Variants in SART3 observed in about 807,000 individuals in gnomAD.
SART3 encodes spliceosome associated factor 3, U4/U6 recycling protein.
Under a neutral mutation model 122.3 loss-of-function variants are expected in SART3, and 44 were observed. That is an observed-to-expected ratio of 0.36 (90% confidence interval 0.28 to 0.46). SART3 has a LOEUF of 0.46. Among genes scored for constraint, SART3 ranks in the 20% least tolerant of loss-of-function variants. The pLI, the probability that SART3 is intolerant of heterozygous loss-of-function variation, is 1.00. For synonymous variants in SART3, 442 were observed against 454.0 expected, an observed-to-expected ratio of 0.97 and a Z score of 0.34; for missense variants, 1,101 against 1,229.0, an observed-to-expected ratio of 0.90 and a Z score of 1.56.
intron 11 of SART3, 132 bp downstream of exon 11, chr12:108,536,382 C>T: frequency 4.5e-6 from 4 of 883,630 alleles, no homozygotes; most frequent in Non-Finnish European, 7.6e-6. Flanking sequence ...TAGACCATTA[C>T]CTAGGTAATA....
rs532216854 is a variant in SART3 at position 108,559,693 on chromosome 12, A to G, written c.312+1150T>C. ...AAAAAAAAAAAAAAAAAAAAGAGAGAATGTGCTCCATCTCTTCTGTTTGCC... is the reference window on the plus strand; with the variant it reads ...AAAAAAAAAAAAAAAAAAAAGAGAGGATGTGCTCCATCTCTTCTGTTTGCC... On this transcript the variant is annotated intron_variant, in intron 1 of 18. Transcript: ENST00000546815. 9.5e-5 allele frequency among the ~76,000 whole-genome samples: 14 copies of G among 147,788 alleles called. No individual in the cohort carries two copies. The South Asian group carries it at 3.0e-3, about 32-fold the overall frequency.
Position 108,545,271 on chromosome 12 carries a change from C to A in SART3, c.597G>T (p.Gln199His). 1 of 1,614,208 alleles carries A rather than the reference C, an allele frequency of 6.2e-7. No homozygotes were observed. Among genetic ancestry groups the A allele is most frequent in the Non-Finnish European group, 8.5e-7 (1 of 1,180,038 alleles). The change falls in exon 4 of 19, where the codon CAG (glutamine) becomes CAT (histidine). Residue 199 changes from glutamine (Q) to histidine (H), a missense_variant. Physicochemically the swap from Gln to His is conservative, Grantham distance 24 (BLOSUM62 0). Transcript: ENST00000546815. The stretch of plus-strand genomic sequence containing the variant: ...AGCGAACTTTCTCAAGGCCACCTTT[C>A]TGACCAATCCCACCAACTGAGTACT... Reference protein sequence around the residue: ...YGQYSVGGIGQKGGLEKVRSV... With the variant: ...YGQYSVGGIGHKGGLEKVRSV...
At chr12:108,549,300 C>T (rs1184040418) in intron 1 of SART3, 86 bp from the exon 2 acceptor site, 1 of 1,413,226 alleles carries the variant, frequency 7.1e-7, no homozygotes, top group Admixed American at 1.7e-5. Flanking sequence ...ACACATATAC[C>T]TGCCACAAAC....
intron 1 of SART3, among the ~76,000 whole-genome samples, chr12:108,549,741 TGTG>T (rs1317548405): frequency 1.3e-5 from 2 of 152,158 alleles, no homozygotes; most frequent in Non-Finnish European, 2.9e-5. Flanking sequence ...GGAAGCCAGT[TGTG>T]GTGGCTCACA....
At chr12:108,523,945 C>T in intron 18 of SART3, 2 of 562,188 alleles carry the variant, frequency 3.6e-6, no homozygotes, top group South Asian at 2.1e-5. Flanking sequence ...CATCCCAAAC[C>T]AGCGAACAGC....
chr12:108,544,550 T>C (rs1299471114), intron 4 of SART3, 72 bp from the exon 5 acceptor site: 8 of 1,602,448 alleles, frequency 5.0e-6, no homozygotes, highest in African/African-American at 1.3e-5. Context: ...AGCAAATTAG[T>C]AGTAAATGAC....
rs1464185877 is a variant in SART3, at chr12:108,538,269, T to C, written c.1063-66A>G. ...TAAGCATTCACCATCAACAAGACATTGCCAGCACGACCAAGTGATGAAAGA... is the reference window on the plus strand; with the variant it reads ...TAAGCATTCACCATCAACAAGACATCGCCAGCACGACCAAGTGATGAAAGA... On this transcript the variant is annotated intron_variant, in intron 7 of 18. Transcript: ENST00000546815. The C allele has an allele frequency of 2.6e-6, 4 of 1,565,454 alleles. No homozygotes were observed. The African/African-American group carries it at 5.4e-5, about 21-fold the overall frequency.
At chr12:108,524,120 A>G (rs1872257277) in intron 18 of SART3, 196 bp downstream of exon 18, 1 of 629,992 alleles carries the variant, frequency 1.6e-6, no homozygotes, top group South Asian at 1.8e-5. Flanking sequence ...TACCAGGCAG[A>G]GGTCACTGCC....
intron 1 of SART3, chr12:108,554,288 C>T (rs943760037): frequency 6.6e-6 from 1 of 152,082 alleles, no homozygotes; most frequent in African/African-American, 2.4e-5. Context: ...AGATTCTTTA[C>T]CTACCTGGCA....
At chr12:108,547,089 G>C (rs1242485784) in intron 3 of SART3, among the ~76,000 whole-genome samples, 1 of 152,160 alleles carries the variant, frequency 6.6e-6, no homozygotes, top group Non-Finnish European at 1.5e-5. Flanking sequence ...CAAAGTTCTG[G>C]GATTACAGGC....
At chr12:108,559,542 T>G (rs1009574157) in intron 1 of SART3, among the ~76,000 whole-genome samples, 2 of 151,382 alleles carry the variant, frequency 1.3e-5, no homozygotes, top group African/African-American at 4.9e-5. Flanking sequence ...GGTGCGTGCC[T>G]GGATCCCAGC....
chr12:108,548,101 C>T (rs1019721811), intron 2 of SART3, 110 bp from the exon 3 acceptor site: 4 of 925,474 alleles, frequency 4.3e-6, no homozygotes, highest in Admixed American at 2.0e-5. Context: ...CACAACCTGG[C>T]GTTGTTTCCA....
intron 12 of SART3, chr12:108,532,706 G>A: frequency 3.3e-6 from 1 of 301,346 alleles, no homozygotes; most frequent in Non-Finnish European, 6.5e-6. Flanking sequence ...CCTACTGACA[G>A]GAGAGTTATG....
Position 108,538,961 on chromosome 12 carries a change from G to A in SART3, c.1035C>T (p.Asp345=). The A allele has an allele frequency of 6.2e-7, 1 of 1,614,182 alleles. No homozygotes were observed. Among genetic ancestry groups the A allele is most frequent in the Non-Finnish European group, 8.5e-7 (1 of 1,180,022 alleles). Residue 345 remains aspartate (D), a synonymous_variant, in exon 7 of 19, where the codon GAC becomes GAT. Coordinates refer to ENST00000546815, the MANE Select transcript of SART3 (RefSeq NM_014706.4). ...RALVENCLVP[D]LWIRYSQYLD... is the part of the protein sequence containing the mutation. ...GGTACTGACTGTAACGGATCCATAA[G>A]TCTGGGACAAGGCAGTTCTCGACCA... is the stretch of plus-strand genomic sequence containing the variant.
intron 9 of SART3, 33 bp downstream of exon 9, chr12:108,537,455 C>A: frequency 6.6e-7 from 1 of 1,519,306 alleles, no homozygotes; most frequent in South Asian, 1.1e-5. Flanking sequence ...AGAACATGTT[C>A]AGCTCTAAAG....
intron 1 of SART3, among the ~76,000 whole-genome samples, chr12:108,550,136 T>C (rs1364692366): frequency 1.3e-5 from 2 of 152,082 alleles, no homozygotes; most frequent in Admixed American, 1.3e-4. Flanking sequence ...TTTGAAACTT[T>C]TCAAACTAAA....
chr12:108,525,518 C>A lies in SART3; in HGVS notation c.2462G>T (p.Cys821Phe), dbSNP rs1218469260. ...GTCCTTCACGGTGCCATGAGCCTTA[C>A]AGATTTCTTCTAGTTCCTCTTTAGT... ...SCTKEELEEI[C>F]KAHGTVKDLR... Residue 821 changes from cysteine (C) to phenylalanine (F), a missense_variant, in exon 17 of 19, where the codon TGT (cysteine) becomes TTT (phenylalanine). By Grantham distance (205) the Cys-to-Phe change is radical (BLOSUM62 -2). This residue lies in a region of SART3 where 885 missense variants were observed against 1,080.1 expected (regional missense o/e 0.82). Coordinates refer to ENST00000546815, the MANE Select transcript of SART3 (RefSeq NM_014706.4). 16 of 1,614,180 alleles carry A rather than the reference C, an allele frequency of 9.9e-6. No individual in the cohort carries two copies. Among genetic ancestry groups the A allele is most frequent in the Non-Finnish European group, 1.3e-5 (15 of 1,180,026 alleles).
At chr12:108,544,271 C>T (rs1873303701) in intron 5 of SART3, among the ~76,000 whole-genome samples, 156 bp downstream of exon 5, 1 of 152,170 alleles carries the variant, frequency 6.6e-6, no homozygotes, top group Admixed American at 6.5e-5. Context: ...GATGTTTTTA[C>T]CAAGGACCTC....
rs35743747 is a variant in SART3 at position 108,524,465 on chromosome 12, C to T, written c.2565G>A (p.Ser855=). The change falls in exon 18 of 19, where the codon TCG becomes TCA. Residue 855 remains serine (S), a synonymous_variant. Coordinates refer to ENST00000546815, the MANE Select transcript of SART3 (RefSeq NM_014706.4). ...TGCCGTCCATCTTCATCACAGCCTG[C>T]GACGCCTGGGATTCATTTTCATACT... ...YVEYENESQA[S]QAVMKMDGMT... 1.1e-3 allele frequency: 1,788 copies of T among 1,614,162 alleles called. 18 individuals carry two copies. The African/African-American group carries it at 0.022, about 20-fold the overall frequency.
Sources: allele counts gnomAD v4.1 joint callset (sites outside exome capture counted in the v4.1 genomes callset), GRCh38; gene constraint gnomAD v4.1.1; regional missense constraint gnomAD v4.1.1; transcripts MANE v1.5; gene names NCBI Gene and HGNC (gene_info 2026-07-23, HGNC 2026-07-21).